TMEM266: variants seen among roughly 807,000 people sequenced by gnomAD.
The protein encoded by TMEM266 is transmembrane protein 266.
TMEM266 carries 33 observed loss-of-function variants against 50.5 expected under a neutral mutation model. The ratio of observed to expected loss-of-function variants is 0.65; its 90% CI spans 0.50 to 0.87. The LOEUF (loss-of-function observed/expected upper bound fraction) is 0.87, where lower values mean the gene tolerates loss of function less well. Ranked by LOEUF, TMEM266 falls within the 40% of genes least tolerant of loss-of-function variation. The pLI, the probability that TMEM266 is intolerant of heterozygous loss-of-function variation, is 0.00. For synonymous variants in TMEM266, 310 were observed against 292.3 expected, an observed-to-expected ratio of 1.06 and a Z score of -0.62; for missense variants, 655 against 695.1, an observed-to-expected ratio of 0.94 and a Z score of 0.65.
At chr15:76,127,763 A>G (rs531766126) in intron 1 of TMEM266, among the ~76,000 whole-genome samples, 1 of 152,260 alleles carries the variant, frequency 6.6e-6, no homozygotes, top group East Asian at 1.9e-4. Context: ...TAGCTTTGCA[A>G]CCATTTAACT....
chr15:76,099,450 TG>T (rs1271099504), intron 1 of TMEM266, among the ~76,000 whole-genome samples: 13 of 152,176 alleles, frequency 8.5e-5, no homozygotes, highest in African/African-American at 3.1e-4. Flanking sequence ...ATACCTCAGT[TG>T]GAAATGCAGA....
At chr15:76,184,731 G>A (rs956011867) in intron 8 of TMEM266, among the ~76,000 whole-genome samples, 13 of 152,250 alleles carry the variant, frequency 8.5e-5, no homozygotes, top group African/African-American at 2.6e-4. Context: ...CTGCCGCCCC[G>A]GTGGGTCTGA....
chr15:76,201,480 C>A lies in TMEM266; in HGVS notation c.959-722C>A, dbSNP rs185844652. ...GATCACAGCTCACGGCAGCCTCAAC[C>A]AATCCTCCCACCTCAGCCTCCCTAG... On this transcript the variant is annotated intron_variant, in intron 9 of 10. Transcript: ENST00000388942. 4.7e-4 allele frequency among the ~76,000 whole-genome samples: 71 copies of A among 152,308 alleles called. No individual in the cohort carries two copies. The East Asian group carries it at 0.013, about 28-fold the overall frequency.
intron 1 of TMEM266, among the ~76,000 whole-genome samples, chr15:76,067,973 A>T (rs1315431292): frequency 1.3e-5 from 2 of 152,172 alleles, no homozygotes; most frequent in African/African-American, 4.8e-5. Context: ...CTAAGACAGC[A>T]CTCGCAGGTG....
At chr15:76,060,203 C>G (rs2036271168) in intron 1 of TMEM266, among the ~76,000 whole-genome samples, 187 bp downstream of exon 1, 2 of 151,986 alleles carry the variant, frequency 1.3e-5, no homozygotes, top group Admixed American at 1.3e-4. Context: ...TGGGGCAGCC[C>G]AGGGCTTCAG....
intron 3 of TMEM266, among the ~76,000 whole-genome samples, chr15:76,146,021 T>C (rs2037749728): frequency 6.6e-6 from 1 of 152,224 alleles, no homozygotes; most frequent in South Asian, 2.1e-4. Context: ...AAGAGTGACA[T>C]TGAGTTTGCA....
chr15:76,157,561 C>G (rs556734844), intron 4 of TMEM266, among the ~76,000 whole-genome samples: 2 of 152,346 alleles, frequency 1.3e-5, no homozygotes, highest in East Asian at 1.9e-4. Context: ...GCCTACCCCC[C>G]ACTGTTTGTC....
chr15:76,129,355 A>G lies in TMEM266; in HGVS notation c.-96-4813A>G, dbSNP rs190501919. ...CAGAGAAACATGTTAGAAAACTGCT[A>G]AGGAGGCCAGGTGCATTGGCTCACA... On this transcript the variant is annotated intron_variant, in intron 1 of 10. Transcript: ENST00000388942. Among the ~76,000 whole-genome samples the G allele has an allele frequency of 4.4e-3, 663 of 152,270 alleles. 9 individuals carry two copies. Among genetic ancestry groups the G allele is most frequent in the African/African-American group, 0.015 (636 of 41,556 alleles).
intron 1 of TMEM266, among the ~76,000 whole-genome samples, chr15:76,131,039 C>T (rs929188488): frequency 6.6e-6 from 1 of 152,086 alleles, no homozygotes; most frequent in South Asian, 2.1e-4. Flanking sequence ...AATGACCTTC[C>T]CATTATATCC....
intron 1 of TMEM266, among the ~76,000 whole-genome samples, chr15:76,089,405 G>A (rs564211519): frequency 6.6e-6 from 1 of 152,036 alleles, no homozygotes; most frequent in South Asian, 2.1e-4. Context: ...GTGTTAGCCA[G>A]GATGGTCTCG....
intron 4 of TMEM266, among the ~76,000 whole-genome samples, chr15:76,157,811 G>A (rs2037949417): frequency 6.6e-6 from 1 of 152,030 alleles, no homozygotes; most frequent in Admixed American, 6.5e-5. Flanking sequence ...ACATGGCAAG[G>A]CCCTGTCTCT....
intron 1 of TMEM266, among the ~76,000 whole-genome samples, chr15:76,077,045 A>T (rs1045070352): frequency 6.6e-6 from 1 of 151,348 alleles, no homozygotes; most frequent in African/African-American, 2.4e-5. Flanking sequence ...GCTCACTGCA[A>T]CCCCTGCTTC....
intron 9 of TMEM266, among the ~76,000 whole-genome samples, chr15:76,200,065 GC>G (rs2038720616): frequency 6.6e-6 from 1 of 152,158 alleles, no homozygotes; most frequent in Admixed American, 6.5e-5. Flanking sequence ...TCCCTGGAAG[GC>G]CCCGACTGTG....
rs569205723 is a variant in TMEM266 at position 76,072,033 on chromosome 15, C to T, written c.-97+12017C>T. ...GCAGGGAAGAGAGAGCCAGCAGGGC[C>T]GGTTTGAAGACAAAGTTTGGAGAGA... On this transcript the variant is annotated intron_variant, in intron 1 of 10. Transcript: ENST00000388942. Among the ~76,000 whole-genome samples, 24 of 152,066 alleles carry T rather than the reference C, an allele frequency of 1.6e-4. No homozygotes were observed. In the South Asian group the frequency reaches 2.5e-3, roughly 16 times the overall value.
At chr15:76,087,414 A>G (rs2036792304) in intron 1 of TMEM266, among the ~76,000 whole-genome samples, 1 of 152,208 alleles carries the variant, frequency 6.6e-6, no homozygotes, top group Admixed American at 6.5e-5. Context: ...TTGGTAGTAT[A>G]GGTATATTTG....
At position 76,169,849 on chromosome 15, in the gene TMEM266, G is replaced by T. The variant is rs1461522447; in HGVS notation, c.490G>T (p.Asp164Tyr). 6.2e-7 allele frequency: 1 copy of T among 1,613,858 alleles called. No homozygotes were observed. Among genetic ancestry groups the T allele is most frequent in the South Asian group, 1.1e-5 (1 of 91,072 alleles). Reference sequence around the variant, plus strand: ...ACGGATTGTGGTGCTTGGGATCTGGGATTACATCGAAAACAAAATAGAGGT... The same window carrying T: ...ACGGATTGTGGTGCTTGGGATCTGGTATTACATCGAAAACAAAATAGAGGT... Residue 164 changes from aspartate (D) to tyrosine (Y), a missense_variant, in exon 6 of 11, where the codon GAT (aspartate) becomes TAT (tyrosine). Physicochemically the swap from Asp to Tyr is radical, Grantham distance 160 (BLOSUM62 -3). This residue lies in a region of TMEM266 where 101 missense variants were observed against 182.6 expected (regional missense o/e 0.55). Coordinates refer to ENST00000388942, the MANE Select transcript of TMEM266 (RefSeq NM_152335.3).
chr15:76,125,172 C>T (rs2037401601), intron 1 of TMEM266, among the ~76,000 whole-genome samples: 1 of 152,112 alleles, frequency 6.6e-6, no homozygotes, highest in South Asian at 2.1e-4. Context: ...TTGCACCATA[C>T]ATAAAAATCA....
At chr15:76,154,693 T>C (rs1023676198) in intron 3 of TMEM266, among the ~76,000 whole-genome samples, 2 of 152,102 alleles carry the variant, frequency 1.3e-5, no homozygotes, top group Admixed American at 6.5e-5. Context: ...CTCCCTGAGT[T>C]TGGGGACTGG....
chr15:76,141,035 TCAA>T (rs1231768988), intron 3 of TMEM266, among the ~76,000 whole-genome samples: 1 of 152,082 alleles, frequency 6.6e-6, no homozygotes, highest in Non-Finnish European at 1.5e-5. Flanking sequence ...AGACCCTGTC[TCAA>T]CAACAACAAA....
Sources: gnomAD v4.1 joint callset for allele counts (sites outside exome capture counted in the v4.1 genomes callset) on GRCh38, gnomAD v4.1.1 for gene constraint, gnomAD v4.1.1 regional missense constraint, MANE v1.5 for transcripts, NCBI Gene and HGNC (gene_info 2026-07-23, HGNC 2026-07-21) for gene names.